GANC: variants seen among roughly 807,000 people sequenced by gnomAD.
The protein encoded by GANC is glucosidase alpha, neutral C.
In GANC, 117 loss-of-function variants were observed where a neutral mutation model predicts 124.2. The observed-to-expected ratio is 0.94, with a 90% confidence interval of 0.81 to 1.10. The LOEUF is 1.10. Among genes scored for constraint, GANC ranks in the 50% least tolerant of loss-of-function variants. GANC has a pLI of 0.00. For synonymous variants in GANC, 377 were observed against 376.8 expected (o/e 1.00, Z -0.01); for missense variants, 1,140 against 1,095.0 (o/e 1.04, Z -0.58).
chr15:42,337,698 G>A (rs1490484319), intron 15 of GANC, among the ~76,000 whole-genome samples: 1 of 152,182 alleles, frequency 6.6e-6, no homozygotes, highest in African/African-American at 2.4e-5. Context: ...ACACACCTGT[G>A]CATGTACCCC....
At chr15:42,337,566 G>C (rs1299342159) in intron 15 of GANC, among the ~76,000 whole-genome samples, 1 of 152,098 alleles carries the variant, frequency 6.6e-6, no homozygotes, top group Non-Finnish European at 1.5e-5. Context: ...TGAGAATAGA[G>C]GGTGGGAAGA....
chr15:42,330,771 T>A, intron 15 of GANC, 99 bp downstream of exon 15: 2 of 6,018 alleles, frequency 3.3e-4, no homozygotes, highest in Non-Finnish European at 8.3e-4. Context: ...TTCCTTTTCC[T>A]TTTTTTTTTT....
intron 3 of GANC, among the ~76,000 whole-genome samples, chr15:42,279,309 A>G (rs1419023654): frequency 6.6e-6 from 1 of 152,184 alleles, no homozygotes; most frequent in Non-Finnish European, 1.5e-5. Context: ...CTGTTACACA[A>G]TGCCCATTTG....
intron 3 of GANC, chr15:42,280,961 AG>A (rs2051726748): frequency 1.4e-6 from 1 of 702,430 alleles, no homozygotes; most frequent in Admixed American, 2.0e-5. Context: ...ATGCCTTCAA[AG>A]GCAAAGAAAC....
At chr15:42,297,824 CATTCATTCATTT>C (rs1292727403) in intron 6 of GANC, among the ~76,000 whole-genome samples, 168 bp downstream of exon 6, 3 of 61,142 alleles carry the variant, frequency 4.9e-5, no homozygotes, top group Non-Finnish European at 8.4e-5. Context: ...CTCGTTGATT[CATTCATTCATTT>C]ATTCATTCAT....
At chr15:42,283,881 T>C (rs2051760018) in intron 3 of GANC, 1 of 702,492 alleles carries the variant, frequency 1.4e-6, no homozygotes. Context: ...CCAGTTGTCC[T>C]TGGGGAACAG....
At chr15:42,284,816 A>G (rs2051771200) in intron 3 of GANC, among the ~76,000 whole-genome samples, 1 of 152,116 alleles carries the variant, frequency 6.6e-6, no homozygotes, top group Non-Finnish European at 1.5e-5. Context: ...TGTCTTAAAT[A>G]CTTCTAAGGG....
rs369094214 is a variant in GANC, at chr15:42,273,434, A to G, written c.-1048A>G. ...GTGGAGTGCCTACCGAAAGCATTTC[A>G]CCCTCTTCCGGTTCGTCCCGCCTTC... is the stretch of plus-strand genomic sequence containing the variant. On this transcript the variant is annotated 5_prime_UTR_variant, in exon 1 of 24. Coordinates refer to ENST00000318010, the MANE Select transcript of GANC (RefSeq NM_198141.3). 2.9e-5 allele frequency: 47 copies of G among 1,611,796 alleles called. No individual in the cohort carries two copies. The highest frequency in any genetic ancestry group is 3.6e-5 in the Non-Finnish European group (42 of 1,179,294).
chr15:42,304,405 AC>A (rs1177127201), intron 6 of GANC, among the ~76,000 whole-genome samples: 1 of 152,166 alleles, frequency 6.6e-6, no homozygotes. Context: ...AATACAACTT[AC>A]AAGGGATGTA....
chr15:42,288,202 A>C (rs2051809843), intron 4 of GANC, among the ~76,000 whole-genome samples: 1 of 152,194 alleles, frequency 6.6e-6, no homozygotes, highest in Non-Finnish European at 1.5e-5. Context: ...AGGGCTCCGG[A>C]GATCTAATAC....
intron 17 of GANC, among the ~76,000 whole-genome samples, 195 bp downstream of exon 17, chr15:42,340,107 A>G (rs192987856): frequency 5.9e-5 from 9 of 152,298 alleles, no homozygotes; most frequent in African/African-American, 2.2e-4. Flanking sequence ...GAAGATAAAA[A>G]CTGCTACTGC....
chr15:42,278,927 C>T (rs1029896945), intron 3 of GANC, among the ~76,000 whole-genome samples: 4 of 152,046 alleles, frequency 2.6e-5, no homozygotes, highest in Non-Finnish European at 5.9e-5. Context: ...CCCGGGAGGT[C>T]GAGGCTGCAG....
intron 6 of GANC, among the ~76,000 whole-genome samples, chr15:42,300,178 A>G (rs1232207392): frequency 6.6e-6 from 1 of 152,196 alleles, no homozygotes; most frequent in Admixed American, 6.5e-5. Flanking sequence ...TAAACAGGCA[A>G]CCTACAGAAT....
intron 11 of GANC, among the ~76,000 whole-genome samples, chr15:42,323,519 T>TTG (rs1555414647): frequency 1.8e-4 from 27 of 151,462 alleles, no homozygotes; most frequent in Non-Finnish European, 1.0e-4. Flanking sequence ...AATTTTTTTT[T>TTG]GGGGACAGAG....
intron 12 of GANC, 39 bp downstream of exon 12, chr15:42,326,463 T>C: frequency 6.2e-7 from 1 of 1,612,914 alleles, no homozygotes; most frequent in Non-Finnish European, 8.5e-7. Context: ...TTCCACATGT[T>C]CTGTCCCAAT....
intron 4 of GANC, among the ~76,000 whole-genome samples, chr15:42,288,652 A>G (rs1268233612): frequency 1.3e-5 from 2 of 152,200 alleles, no homozygotes; most frequent in Admixed American, 6.5e-5. Context: ...GAGCCACACT[A>G]TATGCCAATA....
At chr15:42,338,238 T>C in intron 15 of GANC, 151 bp from the exon 16 acceptor site, 2 of 494,524 alleles carry the variant, frequency 4.0e-6, no homozygotes, top group Non-Finnish European at 3.6e-6. Flanking sequence ...ATTGATACTT[T>C]TCATTGTAGA....
Position 42,278,591 on chromosome 15 carries a change from G to A in GANC, c.201+1G>A, listed in dbSNP as rs1384222196. 1.9e-6 allele frequency: 3 copies of A among 1,593,734 alleles called. No homozygotes were observed. The East Asian group carries it at 6.7e-5, about 36-fold the overall frequency. On this transcript the variant is annotated splice_donor_variant, in intron 3 of 23. Transcript: ENST00000318010. LOFTEE classifies it high-confidence loss of function. ...CCAAATCATCAATGAAGCAAGTAAG[G>A]TGAGATGGAAGTATTTTCTACAGAG...
chr15:42,308,302 C>T lies in GANC; in HGVS notation c.706C>T (p.Gln236Ter), dbSNP rs200487161. 1 of 1,604,558 alleles carries T rather than the reference C, an allele frequency of 6.2e-7. No individual in the cohort carries two copies. Among genetic ancestry groups the T allele is most frequent in the Admixed American group, 1.7e-5 (1 of 59,888 alleles). The stretch of plus-strand genomic sequence containing the variant: ...GATCCCACAACATGCAGAATCACAC[C>T]AACTTAAAAATACTGGGTAAGTGAA... Reference protein sequence around the residue: ...YGIPQHAESHQLKNTGDGDAY... With the variant: ...YGIPQHAESH The change falls in exon 8 of 24, where the codon CAA becomes TAA. Residue 236 changes from glutamine (Q) to a stop codon, truncating the protein, a stop_gained. Transcript: ENST00000318010. LOFTEE classifies it high-confidence loss of function.
Sources: allele counts gnomAD v4.1 joint callset (sites outside exome capture counted in the v4.1 genomes callset), GRCh38; gene constraint gnomAD v4.1.1; transcripts MANE v1.5; gene names NCBI Gene and HGNC (gene_info 2026-07-23, HGNC 2026-07-21).